The following SLC44A2 variants were observed in gnomAD, a reference collection of about 807,000 sequenced individuals.
SLC44A2 encodes the protein choline transporter-like protein 2.
In SLC44A2, 57 loss-of-function variants were observed where a neutral mutation model predicts 90.8. The ratio of observed to expected loss-of-function variants is 0.63; its 90% confidence interval spans 0.51 to 0.78. The LOEUF (loss-of-function observed/expected upper bound fraction) is 0.78. SLC44A2 is among the 30% of genes least tolerant of loss of function. The pLI, the probability that SLC44A2 is intolerant of heterozygous loss-of-function variation, is 0.00. For missense variants in SLC44A2, 794 were observed against 919.7 expected (o/e 0.86, Z 1.77); for synonymous variants, 355 against 360.7 (o/e 0.98, Z 0.18).
chr19:10,635,773 C>CT (rs773477557), intron 14 of SLC44A2: 11,778 of 205,410 alleles, frequency 0.057, 91 homozygotes, highest in South Asian at 0.078. Context: ...TCCCTACTTC[C>CT]TTTTTTTTTT....
intron 14 of SLC44A2, 82 bp downstream of exon 14, chr19:10,635,597 G>T: frequency 1.5e-6 from 2 of 1,294,834 alleles, no homozygotes; most frequent in South Asian, 2.6e-5. Flanking sequence ...CCACTTGGAG[G>T]TTCAGCAAAC....
rs920305938 is a variant in SLC44A2, at chr19:10,636,327, T to C, written c.1238T>C (p.Phe413Ser). 1.2e-6 allele frequency: 2 copies of C among 1,610,116 alleles called. No individual in the cohort carries two copies. The highest frequency in any genetic ancestry group is 3.4e-5 in the Admixed American group (2 of 59,558). ...FTAKTCNPET[F>S]PSSNESRQCP... ...GTTCTCCCTTCTCTCCCACAGACCT[T>C]CCCCTCCTCCAATGAGTCCCGCCAA... The change falls in exon 15 of 22, where the codon TTC (phenylalanine) becomes TCC (serine). Residue 413 changes from phenylalanine (F) to serine (S), a missense_variant. By Grantham distance (155) the Phe-to-Ser change is radical. Coordinates refer to ENST00000335757, the MANE Select transcript of SLC44A2 (RefSeq NM_020428.4).
In SLC44A2 at chr19:10,605,686, C is replaced by CA. The variant is rs201090878; in HGVS notation, c.31+3137dup. Among the ~76,000 whole-genome samples, 147 of 133,692 alleles carry CA rather than the reference C, an allele frequency of 1.1e-3. 1 individual carries two copies. Among genetic ancestry groups the CA allele is most frequent in the African/African-American group, 2.3e-3 (85 of 36,326 alleles). 87.7% of individuals were successfully genotyped at this position (133,692 alleles called of 152,430 possible). The stretch of plus-strand genomic sequence containing the variant: ...TAGGTGACAGAGTGAGACTCCGTCT[C>CA]AAAAAAAAAAAAGGACTCTTGGCCA... On this transcript the variant is annotated intron_variant, in intron 1 of 21. Coordinates refer to the SLC44A2 transcript ENST00000407327.
chr19:10,607,543 G>A (rs969801421), intron 1 of SLC44A2, among the ~76,000 whole-genome samples: 1 of 145,548 alleles, frequency 6.9e-6, no homozygotes, highest in African/African-American at 2.5e-5. Context: ...TTTTTTAGAG[G>A]CAGGGTCTCA....
At chr19:10,615,361 G>T (rs1003244260) in intron 1 of SLC44A2, among the ~76,000 whole-genome samples, 2 of 151,884 alleles carry the variant, frequency 1.3e-5, no homozygotes, top group Non-Finnish European at 2.9e-5. Context: ...ATCACTTGAG[G>T]TCAGGAGTTT....
rs2144860507 is a variant in SLC44A2, at chr19:10,631,854, C to T, written c.627-14C>T. 6.2e-7 allele frequency: 1 copy of T among 1,614,240 alleles called. No individual in the cohort carries two copies. The highest frequency in any genetic ancestry group is 8.5e-7 in the Non-Finnish European group (1 of 1,180,040). The stretch of plus-strand genomic sequence containing the variant: ...GAAGAGGGTCTGACCCGAGCCTTGT[C>T]CTCCTTCCCCCAGGAAAGCCAATGG... On this transcript the variant is annotated splice_polypyrimidine_tract_variant and intron_variant, in intron 8 of 21. Coordinates refer to ENST00000335757, the MANE Select transcript of SLC44A2 (RefSeq NM_020428.4).
intron 1 of SLC44A2, among the ~76,000 whole-genome samples, chr19:10,615,614 AGG>A (rs1375286055): frequency 8.3e-6 from 1 of 121,172 alleles, no homozygotes; most frequent in Non-Finnish European, 1.8e-5. Context: ...TGAGCTGAGG[AGG>A]AAGAGGAAGA....
rs531442619 is a variant in SLC44A2, at chr19:10,625,835, CCCCCGCAG to C, written c.37+168_37+175del. 2.9e-3 allele frequency among the ~76,000 whole-genome samples: 445 copies of C among 152,166 alleles called. 4 individuals are homozygous for C. Among genetic ancestry groups the C allele is most frequent in the African/African-American group, 0.01 (416 of 41,538 alleles). Reference sequence around the variant, plus strand: ...AGCCAGGCCCCTTCACCCCACTTATCCCCCGCAGCCTCGCAGACGACCCTCCTTACTCT... The same window carrying C: ...AGCCAGGCCCCTTCACCCCACTTATCCCTCGCAGACGACCCTCCTTACTCT... On this transcript the variant is annotated intron_variant, in intron 1 of 21. Coordinates refer to ENST00000335757, the MANE Select transcript of SLC44A2 (RefSeq NM_020428.4).
At chr19:10,640,751 C>T (rs750279817) in intron 20 of SLC44A2, among the ~76,000 whole-genome samples, 5 of 152,092 alleles carry the variant, frequency 3.3e-5, no homozygotes, top group Non-Finnish European at 7.4e-5. Flanking sequence ...GCAGCTGCAC[C>T]AAGAGCTCAG....
At chr19:10,620,764 T>C (rs2066889885), upstream of SLC44A2, among the ~76,000 whole-genome samples, 1 of 152,012 alleles carries the variant, frequency 6.6e-6, no homozygotes. Flanking sequence ...GCAAAATGTA[T>C]CACATCTGTA....
At position 10,610,331 on chromosome 19, in the gene SLC44A2, C is replaced by CT. The variant is rs1158338646; in HGVS notation, c.31+7788dup. On this transcript the variant is annotated intron_variant, in intron 1 of 21. Transcript: ENST00000407327. The stretch of plus-strand genomic sequence containing the variant: ...ATTCTCCCTAGAGACTTTTCTTTTC[C>CT]TTTTTTTTTTTTTTTTTTGAGACTG... Among the ~76,000 whole-genome samples the CT allele has an allele frequency of 7.6e-3, 1,023 of 134,442 alleles. 10 individuals are homozygous for CT. Among genetic ancestry groups the CT allele is most frequent in the African/African-American group, 0.016 (581 of 36,226 alleles). The allele number at this position is 134,442 out of a possible 152,430, so 88.2% of individuals were successfully genotyped here. A position where few individuals can be genotyped will look rare whatever the true frequency, so the allele number is the denominator to read the frequency against.
rs769006094 is a variant in SLC44A2, at chr19:10,642,852, C to T, written c.2014+401C>T. On this transcript the variant is annotated intron_variant, in intron 21 of 21. Coordinates refer to ENST00000335757, the MANE Select transcript of SLC44A2 (RefSeq NM_020428.4). ...CCTGCCTCCCTCTTTCCCTCCCTTCCCGACCACCCCATTTTCCCCCTGCCG... is the reference window on the plus strand; with the variant it reads ...CCTGCCTCCCTCTTTCCCTCCCTTCTCGACCACCCCATTTTCCCCCTGCCG... 1.1e-5 allele frequency: 17 copies of T among 1,534,838 alleles called. No individual in the cohort carries two copies. The East Asian group carries it at 3.6e-4, about 32-fold the overall frequency.
chr19:10,611,825 TATACAAGTA>T (rs750358870), intron 1 of SLC44A2, among the ~76,000 whole-genome samples: 9 of 152,054 alleles, frequency 5.9e-5, no homozygotes, highest in Non-Finnish European at 1.2e-4. Context: ...CCATCTCAAA[TATACAAGTA>T]AACAAATAAA....
intron 1 of SLC44A2, among the ~76,000 whole-genome samples, chr19:10,612,088 C>T (rs935104290): frequency 2.0e-5 from 3 of 152,028 alleles, no homozygotes; most frequent in Admixed American, 6.6e-5. Context: ...TTAGGCTGAG[C>T]CGGGTGTGGT....
chr19:10,634,909 C>T, intron 11 of SLC44A2, 22 bp downstream of exon 11: 1 of 1,614,206 alleles, frequency 6.2e-7, no homozygotes, highest in Non-Finnish European at 8.5e-7. Context: ...TCTCCCATTC[C>T]TGCCCCCACA....
Position 10,642,535 on chromosome 19 carries a change from C to T in SLC44A2, c.2014+84C>T, listed in dbSNP as rs560046001. On this transcript the variant is annotated intron_variant, in intron 21 of 21. Transcript: ENST00000335757. ...ATCACATCACCCTCCAACGGGGCAACACGCTTGCCTGCCCCCAGCTTCCCC... is the reference window on the plus strand; with the variant it reads ...ATCACATCACCCTCCAACGGGGCAATACGCTTGCCTGCCCCCAGCTTCCCC... 590 of 1,291,256 alleles carry T rather than the reference C, an allele frequency of 4.6e-4. 11 individuals carry two copies. In the South Asian group the frequency reaches 6.1e-3, roughly 13 times the overall value. 80.0% of individuals were successfully genotyped at this position (1,291,256 alleles called of 1,614,324 possible).
At chr19:10,607,603 G>A (rs990175352) in intron 1 of SLC44A2, among the ~76,000 whole-genome samples, 1 of 149,026 alleles carries the variant, frequency 6.7e-6, no homozygotes, top group Non-Finnish European at 1.5e-5. Flanking sequence ...CAATCCTCCT[G>A]TACTGGCCTC....
chr19:10,610,631 C>G (rs1230786056), intron 1 of SLC44A2, among the ~76,000 whole-genome samples: 1 of 47,998 alleles, frequency 2.1e-5, no homozygotes, highest in Non-Finnish European at 3.7e-5. Context: ...CCGCGCCTGG[C>G]TTTTTTTTTT....
At chr19:10,612,857 G>T (rs531784044) in intron 1 of SLC44A2, among the ~76,000 whole-genome samples, 1 of 152,216 alleles carries the variant, frequency 6.6e-6, no homozygotes, top group Admixed American at 6.6e-5. Flanking sequence ...CCACACCATT[G>T]CCGCAACGTT....
Sources: allele counts gnomAD v4.1 joint callset (sites outside exome capture counted in the v4.1 genomes callset), GRCh38; gene constraint gnomAD v4.1.1; transcripts MANE v1.5; gene names NCBI Gene and HGNC (gene_info 2026-07-23, HGNC 2026-07-21).